Variants in USP7 observed in about 807,000 individuals in gnomAD.
USP7 encodes the protein ubiquitin specific peptidase 7.
Under a neutral mutation model 162.9 loss-of-function variants are expected in USP7, and 9 were observed. The observed-to-expected ratio is 0.06, with a 90% CI of 0.03 to 0.10. The LOEUF is 0.10. Among genes scored for constraint, USP7 ranks in the 10% least tolerant of loss-of-function variants. The probability of loss-of-function intolerance (pLI) is 1.00; values close to 1 mark genes in which losing one functional copy is unlikely to be tolerated. For synonymous variants in USP7, 562 were observed against 475.9 expected (o/e 1.18, Z -2.35); for missense variants, 715 against 1,373.7 (o/e 0.52, Z 7.58).
chr16:8,906,067 T>C (rs910736253), intron 13 of USP7, among the ~76,000 whole-genome samples: 6 of 152,078 alleles, frequency 3.9e-5, no homozygotes, highest in African/African-American at 7.2e-5. Context: ...GGAAACAAGG[T>C]AGGACCAGGG....
chr16:8,958,340 T>C lies in USP7; in HGVS notation c.79+4867A>G, dbSNP rs183689902. Among the ~76,000 whole-genome samples, 315 of 152,318 alleles carry C rather than the reference T, an allele frequency of 2.1e-3. 4 individuals carry two copies. Among genetic ancestry groups the C allele is most frequent in the African/African-American group, 7.3e-3 (304 of 41,576 alleles). On this transcript the variant is annotated intron_variant, in intron 1 of 30. Transcript: ENST00000344836. ...TGTGCCCACACAAGTGCATGTGTGCTGGGAACCGGCAGCACCAAGGAGGCT... is the reference window on the plus strand; with the variant it reads ...TGTGCCCACACAAGTGCATGTGTGCCGGGAACCGGCAGCACCAAGGAGGCT...
intron 16 of USP7, 73 bp from the exon 17 acceptor site, chr16:8,902,555 AT>A (rs2061792171): frequency 8.7e-7 from 1 of 1,148,660 alleles, no homozygotes; most frequent in African/African-American, 1.6e-5. Context: ...ACACACACAT[AT>A]GTATATACAT....
chr16:8,929,639 C>A (rs1258534955), intron 2 of USP7: 2 of 454,182 alleles, frequency 4.4e-6, no homozygotes, highest in Admixed American at 4.7e-5. Context: ...CTGCATACTG[C>A]AATTACTGGC....
chr16:8,934,036 G>A (rs182885171), intron 1 of USP7, among the ~76,000 whole-genome samples: 1 of 152,298 alleles, frequency 6.6e-6, no homozygotes, highest in Admixed American at 6.5e-5. Flanking sequence ...GAGATTACAG[G>A]CGTGAAACAC....
chr16:8,901,320 GAAA>G (rs60094465), intron 18 of USP7, 86 bp from the exon 19 acceptor site: 228,540 of 663,022 alleles, frequency 0.34, 34,915 homozygotes, highest in South Asian at 0.38. Flanking sequence ...ACAAAAAAAC[GAAA>G]AAAAAAAAAC....
chr16:8,908,490 A>G, intron 11 of USP7, 40 bp from the exon 12 acceptor site: 1 of 1,548,992 alleles, frequency 6.5e-7, no homozygotes, highest in Non-Finnish European at 8.8e-7. Context: ...GTTAGCCTCT[A>G]CTTACTCCTG....
At chr16:8,901,318 AC>A (rs1466455031) in intron 18 of USP7, 84 bp from the exon 19 acceptor site, 72 of 814,136 alleles carry the variant, frequency 8.8e-5, no homozygotes, top group Middle Eastern at 2.6e-4. Context: ...AAACAAAAAA[AC>A]GAAAAAAAAA....
At position 8,905,433 on chromosome 16, in the gene USP7, C is replaced by A. The variant is rs1020291536; in HGVS notation, c.1429-102G>T. On this transcript the variant is annotated intron_variant, in intron 13 of 30. Transcript: ENST00000344836. ...TAAAATGTGTGAACTTCTAGGTATG[C>A]CCCTAGTTGAAAAAATATCCATGTG... 36 of 1,418,644 alleles carry A rather than the reference C, an allele frequency of 2.5e-5. No individual in the cohort carries two copies. The African/African-American group carries it at 4.6e-4, about 18-fold the overall frequency. 87.9% of individuals were successfully genotyped at this position (1,418,644 alleles called of 1,614,324 possible).
At chr16:8,911,239 G>A (rs533835503) in intron 10 of USP7, among the ~76,000 whole-genome samples, 3 of 152,198 alleles carry the variant, frequency 2.0e-5, no homozygotes, top group Non-Finnish European at 4.4e-5. Flanking sequence ...TTCCTCAGAG[G>A]TCAACACGGG....
At chr16:8,927,455 C>G (rs1478937715) in intron 2 of USP7, among the ~76,000 whole-genome samples, 1 of 152,166 alleles carries the variant, frequency 6.6e-6, no homozygotes, top group African/African-American at 2.4e-5. Flanking sequence ...TCTAATACAA[C>G]TTCTTGCAAG....
intron 2 of USP7, among the ~76,000 whole-genome samples, chr16:8,929,855 T>C (rs1407051119): frequency 6.6e-6 from 1 of 152,174 alleles, no homozygotes; most frequent in Non-Finnish European, 1.5e-5. Flanking sequence ...TCTGATTTCA[T>C]CCCTAACAGG....
chr16:8,916,409 T>C (rs971629672), intron 8 of USP7, 93 bp downstream of exon 8: 4 of 630,396 alleles, frequency 6.3e-6, no homozygotes, highest in Admixed American at 1.2e-4. Context: ...GGGCATTTTC[T>C]GAATTAGGTC....
intron 1 of USP7, among the ~76,000 whole-genome samples, chr16:8,951,499 T>C (rs1375057220): frequency 2.0e-5 from 3 of 152,270 alleles, no homozygotes; most frequent in African/African-American, 7.2e-5. Flanking sequence ...CGGATTCATG[T>C]GATGAGCTCT....
At position 8,897,726 on chromosome 16, in the gene USP7, A is replaced by AAATATATAT. The variant is rs1555461671; in HGVS notation, c.2719-628_2719-627insATATATATT. Reference sequence around the variant, plus strand: ...AAAAAAAAAAAAAAAAAAAAAAAAAAATATATATATATATATATATAAATG... The same window carrying AAATATATAT: ...AAAAAAAAAAAAAAAAAAAAAAAAAAAATATATATATATATATATATATATATATAAATG... On this transcript the variant is annotated intron_variant, in intron 25 of 30. Coordinates refer to ENST00000344836, the MANE Select transcript of USP7 (RefSeq NM_003470.3). Among the ~76,000 whole-genome samples the AAATATATAT allele has an allele frequency of 2.0e-3, 14 of 7,136 alleles. 1 individual carries two copies. The highest frequency in any genetic ancestry group is 3.4e-3 in the African/African-American group (6 of 1,790). The allele number at this position is 7,136 out of a possible 152,430, so 4.7% of individuals were successfully genotyped here. A position where few individuals can be genotyped will look rare whatever the true frequency, so the allele number is the denominator to read the frequency against.
chr16:8,935,347 T>C (rs1309070936), intron 1 of USP7, among the ~76,000 whole-genome samples: 2 of 152,062 alleles, frequency 1.3e-5, no homozygotes, highest in Non-Finnish European at 2.9e-5. Context: ...GTAGCTGGGA[T>C]TACAGGCACC....
At chr16:8,910,868 AT>A in intron 10 of USP7, 41 bp from the exon 11 acceptor site, 2 of 1,535,232 alleles carry the variant, frequency 1.3e-6, no homozygotes, top group Non-Finnish European at 9.0e-7. Context: ...CTAAAGCTTC[AT>A]TTATAATGTA....
intron 10 of USP7, among the ~76,000 whole-genome samples, chr16:8,912,770 A>G (rs1208137580): frequency 1.3e-5 from 2 of 152,128 alleles, no homozygotes; most frequent in Admixed American, 1.3e-4. Context: ...AATAATTATA[A>G]TTAATTGATA....
At chr16:8,962,774 C>T (rs1459387217) in intron 1 of USP7, 2 of 162,908 alleles carry the variant, frequency 1.2e-5, no homozygotes, top group South Asian at 1.4e-4. Context: ...TCCGGGGGAG[C>T]GCACCGGAGC....
intron 1 of USP7, among the ~76,000 whole-genome samples, chr16:8,952,290 C>T (rs1025705939): frequency 6.6e-6 from 1 of 152,166 alleles, no homozygotes; most frequent in African/African-American, 2.4e-5. Flanking sequence ...TACTTTATGA[C>T]CAATAGCACT....
Sources: gnomAD v4.1 joint callset for allele counts (sites outside exome capture counted in the v4.1 genomes callset) on GRCh38, gnomAD v4.1.1 for gene constraint, MANE v1.5 for transcripts, NCBI Gene and HGNC (gene_info 2026-07-23, HGNC 2026-07-21) for gene names.